The following AKT2 variants were observed in gnomAD, a reference collection of about 807,000 sequenced individuals.
The protein encoded by AKT2 is AKT serine/threonine kinase 2.
In AKT2, 16 loss-of-function variants were observed where a neutral mutation model predicts 58.6. The observed-to-expected ratio is 0.27, with a 90% CI of 0.18 to 0.41. The LOEUF is 0.41. AKT2 is among the 10% of genes least tolerant of loss of function. The pLI is 1.00. For synonymous variants in AKT2, 253 were observed against 254.0 expected (o/e 1.00, Z 0.04); for missense variants, 438 against 661.0 (o/e 0.66, Z 3.70).
In AKT2 at chr19:40,238,567, C is replaced by G. The variant is rs968390035; in HGVS notation, c.708+338G>C. ...TTCGAGAGGACACGGGAACGGAGGG[C>G]TGCTAGGTTTTAACCCTTGGGGGCT... On this transcript the variant is annotated intron_variant, in intron 8 of 13. Coordinates refer to ENST00000392038, the MANE Select transcript of AKT2 (RefSeq NM_001626.6). This position sits in a 1 kb window ranked among gnomAD's most constrained non-coding sequence, Gnocchi z 5.1. 6.6e-6 allele frequency among the ~76,000 whole-genome samples: 1 copy of G among 152,134 alleles called. No homozygotes were observed. Among genetic ancestry groups the G allele is most frequent in the South Asian group, 2.1e-4 (1 of 4,828 alleles).
In AKT2 at chr19:40,235,229, T is replaced by C. The variant is rs760056112; in HGVS notation, c.1263+34A>G. On this transcript the variant is annotated intron_variant, in intron 12 of 13. Transcript: ENST00000392038. The surrounding 1 kb of genome is among the most constrained non-coding windows in gnomAD (Gnocchi z 6.3). ...GGTCACCACGAGTGGGCCAGGTCCC[T>C]GAGGGTCCTGCTGGGGCAAGCAGTG... 8.1e-6 allele frequency: 13 copies of C among 1,613,776 alleles called. No individual in the cohort carries two copies. Among genetic ancestry groups the C allele is most frequent in the African/African-American group, 1.3e-5 (1 of 74,864 alleles).
At position 40,236,322 on chromosome 19, in the gene AKT2, C is replaced by A. The variant is rs1333003888; in HGVS notation, c.895G>T (p.Glu299Ter). ...ATGGTGGCCCCGTCACTGATGCCCTCTTTGCAGAGGCCAAAGTCAGTGATC... is the reference window on the plus strand; with the variant it reads ...ATGGTGGCCCCGTCACTGATGCCCTATTTGCAGAGGCCAAAGTCAGTGATC... ...IKITDFGLCK[E>*]GISDGATMKT... Residue 299 changes from glutamate to a stop codon, truncating the protein, a stop_gained, in exon 10 of 14, where the codon GAG (glutamate) becomes TAG (stop). Transcript: ENST00000392038. LOFTEE classifies it high-confidence loss of function. 1 of 1,614,216 alleles carries A rather than the reference C, an allele frequency of 6.2e-7. No individual in the cohort carries two copies. Among genetic ancestry groups the A allele is most frequent in the Non-Finnish European group, 8.5e-7 (1 of 1,180,052 alleles).
At chr19:40,256,222 C>T (rs550174558) in intron 3 of AKT2, among the ~76,000 whole-genome samples, 1 of 152,122 alleles carries the variant, frequency 6.6e-6, no homozygotes. Context: ...CAGGAAAAGG[C>T]TTCATGCAGA....
chr19:40,238,010 C>T lies in AKT2; in HGVS notation c.790G>A (p.Glu264Lys). 3 of 1,613,278 alleles carry T rather than the reference C, an allele frequency of 1.9e-6. No homozygotes were observed. Among genetic ancestry groups the T allele is most frequent in the Non-Finnish European group, 2.5e-6 (3 of 1,179,744 alleles). ...ACCACGTCCCGCGAGTGCAAGTACTCAAGAGCCGAGACAATCTCTGCACCA... is the reference window on the plus strand; with the variant it reads ...ACCACGTCCCGCGAGTGCAAGTACTTAAGAGCCGAGACAATCTCTGCACCA... Reference protein sequence around the residue: ...FYGAEIVSALEYLHSRDVVYR... With the variant: ...FYGAEIVSALKYLHSRDVVYR... The change falls in exon 9 of 14, where the codon GAG (glutamate) becomes AAG (lysine). Residue 264 changes from glutamate to lysine, a missense_variant. Glu to Lys is a moderately conservative substitution (Grantham distance 56). Coordinates refer to ENST00000392038, the MANE Select transcript of AKT2 (RefSeq NM_001626.6). The surrounding 1 kb of genome is among the most constrained non-coding windows in gnomAD (Gnocchi z 5.1).
chr19:40,272,486 G>A (rs968921648), intron 1 of AKT2, among the ~76,000 whole-genome samples: 4 of 152,146 alleles, frequency 2.6e-5, no homozygotes, highest in East Asian at 1.9e-4. Flanking sequence ...ATTCGCTAAC[G>A]AAGGCTCGCG....
intron 9 of AKT2, chr19:40,236,997 G>A (rs1028493730): frequency 5.6e-6 from 1 of 177,644 alleles, no homozygotes; most frequent in Non-Finnish European, 1.2e-5. Flanking sequence ...TCCCCCACAA[G>A]AATTAACCTC....
intron 4 of AKT2, chr19:40,244,459 TTCTG>T (rs1181861963): frequency 1.3e-5 from 2 of 152,046 alleles, no homozygotes; most frequent in South Asian, 2.1e-4. Context: ...TTACAAACTG[TTCTG>T]TCTAATAAGT....
chr19:40,278,353 T>A lies in AKT2; in HGVS notation c.-85+6828A>T, dbSNP rs865774233. Among the ~76,000 whole-genome samples the A allele has an allele frequency of 6.0e-4, 92 of 152,172 alleles. 1 individual carries two copies. The highest frequency in any genetic ancestry group is 1.4e-3 in the Admixed American group (21 of 15,294). On this transcript the variant is annotated intron_variant, in intron 1 of 13. Transcript: ENST00000392038. ...GCGAGCTGCCAGGCTGTGGTGAGGA[T>A]GAGTGAGAGCAGACACCTTAAGCTC...
chr19:40,259,172 A>G (rs964667435), intron 2 of AKT2, among the ~76,000 whole-genome samples: 1 of 152,208 alleles, frequency 6.6e-6, no homozygotes, highest in East Asian at 1.9e-4. Context: ...TCTTCAACAA[A>G]GAGACTATAT....
intron 4 of AKT2, among the ~76,000 whole-genome samples, chr19:40,245,528 G>A (rs193102650): frequency 6.6e-6 from 1 of 152,290 alleles, no homozygotes; most frequent in East Asian, 1.9e-4. Flanking sequence ...GCCTCCAAGG[G>A]AGGGGAACTG....
chr19:40,261,512 G>A (rs551795920), intron 2 of AKT2, among the ~76,000 whole-genome samples: 4 of 145,654 alleles, frequency 2.7e-5, no homozygotes, highest in East Asian at 4.1e-4. Context: ...CAGCCTGGGC[G>A]ACAGAGCAAG....
intron 2 of AKT2, among the ~76,000 whole-genome samples, chr19:40,259,177 CTA>C (rs1975763066): frequency 6.6e-6 from 1 of 152,080 alleles, no homozygotes; most frequent in South Asian, 2.1e-4. Context: ...AACAAAGAGA[CTA>C]TATTTTTTCA....
rs937495783 is a variant in AKT2, at chr19:40,234,950, C to T, written c.1366+95G>A. ...AAATCTCCCAGACATGAAGCGGGGG[C>T]CTTCGAGGGCCCTCCTTGAGAAGTG... On this transcript the variant is annotated intron_variant, in intron 13 of 13. Coordinates refer to ENST00000392038, the MANE Select transcript of AKT2 (RefSeq NM_001626.6). This position sits in a 1 kb window ranked among gnomAD's most constrained non-coding sequence, Gnocchi z 4.7. 3 of 1,126,942 alleles carry T rather than the reference C, an allele frequency of 2.7e-6. No homozygotes were observed. Among genetic ancestry groups the T allele is most frequent in the East Asian group, 4.8e-5 (2 of 41,660 alleles). 69.8% of individuals were successfully genotyped at this position (1,126,942 alleles called of 1,614,324 possible).
chr19:40,284,837 GC>G, intron 1 of AKT2: 1 of 199,092 alleles, frequency 5.0e-6, no homozygotes, highest in East Asian at 1.2e-4. Context: ...GATGCGGCGC[GC>G]CCCCTCGATA....
At chr19:40,243,557 A>C (rs1241150080) in intron 4 of AKT2, 1 of 152,242 alleles carries the variant, frequency 6.6e-6, no homozygotes, top group Non-Finnish European at 1.5e-5. Context: ...CTGGTGGACA[A>C]GAAGTAGGTC....
intron 2 of AKT2, 74 bp downstream of exon 2, chr19:40,265,148 G>A: frequency 6.4e-7 from 1 of 1,570,864 alleles, no homozygotes; most frequent in Non-Finnish European, 8.6e-7. Flanking sequence ...CTCCGCCTCT[G>A]CCTCTCAGGG....
chr19:40,280,558 C>G (rs2077405544), intron 1 of AKT2, among the ~76,000 whole-genome samples: 1 of 152,174 alleles, frequency 6.6e-6, no homozygotes, highest in South Asian at 2.1e-4. Flanking sequence ...ATTCCAAACT[C>G]CTTCACAGAC....
At position 40,236,393 on chromosome 19, in the gene AKT2, A is replaced by C. The variant is rs2145168291; in HGVS notation, c.832-8T>G. 6.2e-7 allele frequency: 1 copy of C among 1,614,040 alleles called. No individual in the cohort carries two copies. The highest frequency in any genetic ancestry group is 2.2e-5 in the East Asian group (1 of 44,868). On this transcript the variant is annotated splice_polypyrimidine_tract_variant and splice_region_variant and intron_variant, in intron 9 of 13. Transcript: ENST00000392038. The stretch of plus-strand genomic sequence containing the variant: ...CAGCATGAGGTTTTCCAGCTGTTGG[A>C]AAAGTCAACGGATCTCAGGTGCATG...
rs999287491 is a variant in AKT2 at position 40,232,744 on chromosome 19, G to A, written c.*1128C>T. On this transcript the variant is annotated 3_prime_UTR_variant, in exon 14 of 14. Coordinates refer to ENST00000392038, the MANE Select transcript of AKT2 (RefSeq NM_001626.6). ...CAAACACACATGCACACACACCCAC[G>A]TGTGCCTGCGTCCCGCCGACACACG... is the stretch of plus-strand genomic sequence containing the variant. The A allele has an allele frequency of 4.7e-5, 11 of 233,432 alleles. No individual in the cohort carries two copies. Among genetic ancestry groups the A allele is most frequent in the Admixed American group, 1.1e-4 (2 of 17,796 alleles). The allele number at this position is 233,432 out of a possible 1,614,324, so 14.5% of individuals were successfully genotyped here. A position where few individuals can be genotyped will look rare whatever the true frequency, so the allele number is the denominator to read the frequency against.
Sources: allele counts gnomAD v4.1 joint callset (sites outside exome capture counted in the v4.1 genomes callset), GRCh38; gene constraint gnomAD v4.1.1; non-coding constraint Gnocchi (gnomAD v3.1); transcripts MANE v1.5; gene names NCBI Gene and HGNC (gene_info 2026-07-23, HGNC 2026-07-21).